The following SPATA6 variants were observed in gnomAD, a reference collection of about 807,000 sequenced individuals.
SPATA6 encodes spermatogenesis-associated protein 6.
A neutral mutation model predicts 65.3 loss-of-function variants in SPATA6; 56 were observed. That is an observed-to-expected ratio of 0.86 (90% CI 0.69 to 1.07). SPATA6 has a LOEUF of 1.07. SPATA6 is among the 50% of genes least tolerant of loss of function. The pLI is 0.00. For synonymous variants in SPATA6, 199 were observed against 213.2 expected (o/e 0.93, Z 0.58); for missense variants, 590 against 594.8 (o/e 0.99, Z 0.08).
intron 1 of SPATA6, among the ~76,000 whole-genome samples, chr1:48,463,386 C>T (rs965271957): frequency 2.0e-5 from 3 of 152,006 alleles, no homozygotes; most frequent in Non-Finnish European, 4.4e-5. Flanking sequence ...GAGTGTTACA[C>T]ACACGTAAAT....
intron 3 of SPATA6, among the ~76,000 whole-genome samples, chr1:48,437,647 G>A (rs1328944555): frequency 6.6e-6 from 1 of 152,162 alleles, no homozygotes; most frequent in Non-Finnish European, 1.5e-5. Context: ...CAACAGGCTA[G>A]TTTATCTTAC....
At chr1:48,346,486 G>A (rs770438004) in intron 11 of SPATA6, among the ~76,000 whole-genome samples, 1 of 151,344 alleles carries the variant, frequency 6.6e-6, no homozygotes, top group African/African-American at 2.4e-5. Context: ...GCAATCAGAC[G>A]AGAGAAAGAC....
chr1:48,365,071 C>G (rs199627709), intron 9 of SPATA6, among the ~76,000 whole-genome samples: 2 of 152,110 alleles, frequency 1.3e-5, no homozygotes, highest in African/African-American at 4.8e-5. Flanking sequence ...TTCCCCATTG[C>G]TTGTTTTTCT....
chr1:48,400,820 A>C (rs201841004), intron 6 of SPATA6: 31 of 1,294,120 alleles, frequency 2.4e-5, no homozygotes, highest in Non-Finnish European at 1.0e-5. Flanking sequence ...AGTTCATGGT[A>C]TGCTTCTGGA....
chr1:48,460,130 C>T (rs1657317403), intron 1 of SPATA6, among the ~76,000 whole-genome samples: 1 of 151,964 alleles, frequency 6.6e-6, no homozygotes, highest in Admixed American at 6.6e-5. Context: ...GCCACCATGC[C>T]TGCCTAATTT....
chr1:48,326,387 TG>T (rs1277654861), intron 11 of SPATA6, among the ~76,000 whole-genome samples: 24 of 152,156 alleles, frequency 1.6e-4, no homozygotes, highest in Admixed American at 1.6e-3. Flanking sequence ...CCCATGCTCA[TG>T]GTGCATTAGG....
intron 1 of SPATA6, among the ~76,000 whole-genome samples, chr1:48,459,644 A>G (rs2148181497): frequency 6.6e-6 from 1 of 152,310 alleles, no homozygotes; most frequent in Non-Finnish European, 1.5e-5. Context: ...CAACAACAGA[A>G]GGATACACGT....
chr1:48,373,268 T>A (rs1022669612), intron 9 of SPATA6, among the ~76,000 whole-genome samples: 1 of 152,204 alleles, frequency 6.6e-6, no homozygotes, highest in African/African-American at 2.4e-5. Context: ...ATACCTTAAA[T>A]CATCTTTCTC....
At chr1:48,378,723 C>A (rs138386243) in intron 9 of SPATA6, among the ~76,000 whole-genome samples, 271 of 152,260 alleles carry the variant, frequency 1.8e-3, no homozygotes, top group African/African-American at 6.3e-3. Flanking sequence ...GGGTACCTCC[C>A]ACAACATGTG....
chr1:48,325,124 T>C, intron 11 of SPATA6: 1 of 507,946 alleles, frequency 2.0e-6, no homozygotes, highest in Non-Finnish European at 3.7e-6. Flanking sequence ...CCAAGCCTCT[T>C]TTGCATACTT....
chr1:48,303,047 T>G (rs1189985673), intron 12 of SPATA6, among the ~76,000 whole-genome samples: 1 of 152,068 alleles, frequency 6.6e-6, no homozygotes, highest in East Asian at 1.9e-4. Context: ...GCCATGGAGC[T>G]GGGGAGTGGT....
At chr1:48,292,905 C>T (rs992785852), downstream of SPATA6, among the ~76,000 whole-genome samples, 5 of 152,160 alleles carry the variant, frequency 3.3e-5, no homozygotes, top group Non-Finnish European at 7.4e-5. Context: ...CCCACAGAGG[C>T]GCTGGCTGGG....
the SPATA6 span, among the ~76,000 whole-genome samples, chr1:48,281,801 C>G: frequency 3.3e-5 from 5 of 152,120 alleles, no homozygotes; most frequent in Admixed American, 3.3e-4. Context: ...ATCAAGCTAC[C>G]AATGACTTTC....
At chr1:48,392,552 G>C (rs1269076147) in intron 8 of SPATA6, among the ~76,000 whole-genome samples, 2 of 151,974 alleles carry the variant, frequency 1.3e-5, no homozygotes, top group Non-Finnish European at 2.9e-5. Flanking sequence ...GTATGAGACT[G>C]GTAGAAAAGA....
At chr1:48,277,717 C>T in the SPATA6 span, among the ~76,000 whole-genome samples, 7 of 152,244 alleles carry the variant, frequency 4.6e-5, no homozygotes, top group Admixed American at 1.3e-4. Context: ...TCAAGGAGGC[C>T]TGCCTGCCTC....
At chr1:48,449,712 A>G (rs1347105249) in intron 3 of SPATA6, among the ~76,000 whole-genome samples, 1 of 152,242 alleles carries the variant, frequency 6.6e-6, no homozygotes, top group Non-Finnish European at 1.5e-5. Flanking sequence ...CACTTTGAGG[A>G]TAACTAGGGA....
chr1:48,371,734 A>T (rs2148861418), intron 9 of SPATA6, among the ~76,000 whole-genome samples: 1 of 152,330 alleles, frequency 6.6e-6, no homozygotes, highest in East Asian at 1.9e-4. Context: ...GCTGATAAAG[A>T]CACACACGAG....
intron 11 of SPATA6, among the ~76,000 whole-genome samples, chr1:48,317,235 T>G (rs1645457059): frequency 6.6e-6 from 1 of 152,206 alleles, no homozygotes; most frequent in South Asian, 2.1e-4. Flanking sequence ...ACACATATGT[T>G]TATCGCGGCA....
rs116252392 is a variant in SPATA6 at position 48,458,453 on chromosome 1, G to A, written c.52-5322C>T. ...AAGGCCAGATGTAGCCACTCTTTTTGCTGTCTTTTTTGCTGACTGTCAGTG... is the reference window on the plus strand; with the variant it reads ...AAGGCCAGATGTAGCCACTCTTTTTACTGTCTTTTTTGCTGACTGTCAGTG... On this transcript the variant is annotated intron_variant, in intron 1 of 12. Transcript: ENST00000371847. Among the ~76,000 whole-genome samples, 867 of 152,248 alleles carry A rather than the reference G, an allele frequency of 5.7e-3. 10 individuals are homozygous for A. The highest frequency in any genetic ancestry group is 0.02 in the African/African-American group (845 of 41,540).
Sources: allele counts gnomAD v4.1 joint callset (sites outside exome capture counted in the v4.1 genomes callset), GRCh38; gene constraint gnomAD v4.1.1; transcripts MANE v1.5; gene names NCBI Gene and HGNC (gene_info 2026-07-23, HGNC 2026-07-21).